The following PPP1R12A variants were observed in gnomAD, a reference collection of about 807,000 sequenced individuals.
PPP1R12A encodes myosin binding subunit.
PPP1R12A carries 19 observed loss-of-function variants against 139.6 expected under a neutral mutation model. That is an observed-to-expected ratio of 0.14 (90% CI 0.09 to 0.20). The LOEUF is 0.20. PPP1R12A is among the 10% of genes least tolerant of loss of function. The pLI is 1.00. For missense variants in PPP1R12A, 925 were observed against 1,211.5 expected (o/e 0.76, Z 3.51); for synonymous variants, 427 against 420.6 (o/e 1.02, Z -0.19).
At chr12:79,903,721 T>C (rs1470423989) in intron 1 of PPP1R12A, among the ~76,000 whole-genome samples, 2 of 152,278 alleles carry the variant, frequency 1.3e-5, no homozygotes, top group East Asian at 1.9e-4. Flanking sequence ...CACGCATAAA[T>C]GCTATCTTTT....
At chr12:79,813,615 C>G (rs897447133) in intron 9 of PPP1R12A, among the ~76,000 whole-genome samples, 6 of 152,064 alleles carry the variant, frequency 3.9e-5, no homozygotes, top group African/African-American at 1.4e-4. Flanking sequence ...TTTAGAGATC[C>G]CAACAAAATT....
chr12:79,873,509 A>AC (rs1480160499), intron 1 of PPP1R12A, among the ~76,000 whole-genome samples: 157 of 151,442 alleles, frequency 1.0e-3, no homozygotes, highest in Non-Finnish European at 2.0e-3. Flanking sequence ...AAAAAAAAAA[A>AC]AAAAAACATT....
intron 1 of PPP1R12A, among the ~76,000 whole-genome samples, chr12:79,903,717 T>A (rs183015795): frequency 2.0e-5 from 3 of 152,320 alleles, no homozygotes; most frequent in Non-Finnish European, 4.4e-5. Context: ...GTTTCACGCA[T>A]AAATGCTATC....
chr12:79,828,089 A>G, intron 5 of PPP1R12A: 2 of 292,742 alleles, frequency 6.8e-6, no homozygotes, highest in South Asian at 1.2e-4. Context: ...TTACTGAAAG[A>G]GCAATACTTC....
intron 1 of PPP1R12A, among the ~76,000 whole-genome samples, chr12:79,902,311 T>G (rs1885719428): frequency 1.3e-5 from 2 of 152,264 alleles, no homozygotes; most frequent in African/African-American, 2.4e-5. Context: ...ATATGACATT[T>G]CTTCTTAAGC....
At chr12:79,925,672 C>T (rs1887785246) in intron 1 of PPP1R12A, among the ~76,000 whole-genome samples, 1 of 152,164 alleles carries the variant, frequency 6.6e-6, no homozygotes, top group South Asian at 2.1e-4. Flanking sequence ...AATGTCTCCT[C>T]CCATGAAAGA....
At chr12:79,869,617 C>T (rs145357865) in intron 2 of PPP1R12A, among the ~76,000 whole-genome samples, 2,552 of 152,208 alleles carry the variant, frequency 0.017, 34 homozygotes, top group Non-Finnish European at 0.023. Context: ...GAAAGGCACA[C>T]TGATGTAAAC....
intron 2 of PPP1R12A, among the ~76,000 whole-genome samples, chr12:79,847,027 T>C (rs768253935): frequency 1.3e-5 from 2 of 152,112 alleles, no homozygotes; most frequent in South Asian, 2.1e-4. Context: ...AATTATAAAA[T>C]AGTTTTTTAA....
intron 1 of PPP1R12A, among the ~76,000 whole-genome samples, chr12:79,909,428 A>G (rs973062331): frequency 6.6e-6 from 1 of 152,174 alleles, no homozygotes; most frequent in African/African-American, 2.4e-5. Context: ...AATCTGTTAC[A>G]GTATGAACTT....
At chr12:79,872,364 G>A (rs1882666952) in intron 2 of PPP1R12A, among the ~76,000 whole-genome samples, 1 of 152,056 alleles carries the variant, frequency 6.6e-6, no homozygotes, top group South Asian at 2.1e-4. Flanking sequence ...TCTAAAAAAT[G>A]TATTTTTTAA....
At chr12:79,850,510 A>C (rs1879915680) in intron 2 of PPP1R12A, among the ~76,000 whole-genome samples, 1 of 152,218 alleles carries the variant, frequency 6.6e-6, no homozygotes, top group Non-Finnish European at 1.5e-5. Flanking sequence ...ATTTAAGAAA[A>C]ACTTTGTCTT....
chr12:79,817,682 A>T (rs1317475463), intron 8 of PPP1R12A, among the ~76,000 whole-genome samples, 164 bp from the exon 9 acceptor site: 1 of 152,178 alleles, frequency 6.6e-6, no homozygotes, highest in Non-Finnish European at 1.5e-5. Flanking sequence ...GAGCTTCTAG[A>T]CTTGTCTCTA....
intron 20 of PPP1R12A, among the ~76,000 whole-genome samples, chr12:79,789,139 C>G (rs1871484238): frequency 6.6e-6 from 1 of 151,972 alleles, no homozygotes; most frequent in Admixed American, 6.6e-5. Flanking sequence ...ACCATGTTGC[C>G]CAGGCTGGTC....
chr12:79,917,239 C>G (rs1468763062), intron 1 of PPP1R12A, among the ~76,000 whole-genome samples: 1 of 152,070 alleles, frequency 6.6e-6, no homozygotes, highest in Non-Finnish European at 1.5e-5. Context: ...GTAATCCCAG[C>G]ACTTTGGGAG....
chr12:79,828,478 A>C lies in PPP1R12A; in HGVS notation c.648-14T>G. 3 of 1,564,822 alleles carry C rather than the reference A, an allele frequency of 1.9e-6. No homozygotes were observed. Among genetic ancestry groups the C allele is most frequent in the Non-Finnish European group, 2.6e-6 (3 of 1,143,688 alleles). On this transcript the variant is annotated splice_polypyrimidine_tract_variant and intron_variant, in intron 4 of 24. Transcript: ENST00000450142. Reference sequence around the variant, plus strand: ...TGTATTAAAAGTCTAAAGAAATTACAGTGAATTAGACAATCATTAAAATCT... The same window carrying C: ...TGTATTAAAAGTCTAAAGAAATTACCGTGAATTAGACAATCATTAAAATCT...
chr12:79,777,705 A>G, intron 24 of PPP1R12A: 1 of 908,512 alleles, frequency 1.1e-6, no homozygotes, highest in African/African-American at 1.8e-5. Context: ...AAAATGGAAA[A>G]GAGTATAATA....
At chr12:79,888,584 G>A (rs145539905) in intron 1 of PPP1R12A, among the ~76,000 whole-genome samples, 1,890 of 133,572 alleles carry the variant, frequency 0.014, 15 homozygotes, top group Non-Finnish European at 0.021. Context: ...AGAATTATAA[G>A]AAGTTCTTCC....
At chr12:79,845,628 G>T (rs1305408111) in intron 2 of PPP1R12A, among the ~76,000 whole-genome samples, 2 of 152,104 alleles carry the variant, frequency 1.3e-5, no homozygotes, top group Admixed American at 6.5e-5. Flanking sequence ...CGGATCACGA[G>T]GTCAGATCAA....
intron 9 of PPP1R12A, among the ~76,000 whole-genome samples, chr12:79,814,562 T>C (rs1191314218): frequency 1.5e-5 from 2 of 137,680 alleles, no homozygotes; most frequent in South Asian, 5.0e-4. Context: ...ATGCCTGTAA[T>C]CCTAGCACTT....
Sources: gnomAD v4.1 joint callset for allele counts (sites outside exome capture counted in the v4.1 genomes callset) on GRCh38, gnomAD v4.1.1 for gene constraint, MANE v1.5 for transcripts, NCBI Gene and HGNC (gene_info 2026-07-23, HGNC 2026-07-21) for gene names.